The following ATG10 variants were observed in gnomAD, a reference collection of about 807,000 sequenced individuals.
ATG10 encodes ubiquitin-like-conjugating enzyme ATG10.
Under a neutral mutation model 32.1 loss-of-function variants are expected in ATG10, and 30 were observed. The ratio of observed to expected loss-of-function variants is 0.94; its 90% confidence interval spans 0.70 to 1.27. The LOEUF is 1.27. Among genes scored for constraint, ATG10 ranks in the 50% most tolerant of loss-of-function variants. The probability of loss-of-function intolerance (pLI) is 0.00; values close to 1 mark genes in which losing one functional copy is unlikely to be tolerated. For missense variants in ATG10, 233 were observed against 262.3 expected, an observed-to-expected ratio of 0.89 and a Z score of 0.77; for synonymous variants, 87 against 91.5, an observed-to-expected ratio of 0.95 and a Z score of 0.28.
intron 3 of ATG10, among the ~76,000 whole-genome samples, chr5:82,080,794 C>T (rs1279575767): frequency 2.2e-4 from 34 of 152,178 alleles, no homozygotes; most frequent in Non-Finnish European, 1.5e-5. Context: ...AGTCAGGTAG[C>T]ATGATGCCTT....
intron 5 of ATG10, among the ~76,000 whole-genome samples, chr5:82,236,913 T>C (rs1244627978): frequency 6.6e-6 from 1 of 152,154 alleles, no homozygotes; most frequent in East Asian, 1.9e-4. Flanking sequence ...TTTTTTTTCT[T>C]AACATTTTCT....
intron 6 of ATG10, 81 bp from the exon 7 acceptor site, chr5:82,253,233 G>T: frequency 1.1e-6 from 1 of 912,718 alleles, no homozygotes; most frequent in Non-Finnish European, 1.8e-6. Context: ...TGTTATTGTT[G>T]GTGACCAACT....
chr5:82,136,010 A>G (rs1212741905), intron 3 of ATG10, among the ~76,000 whole-genome samples: 1 of 151,672 alleles, frequency 6.6e-6, no homozygotes, highest in African/African-American at 2.4e-5. Flanking sequence ...GTTGGTTTAA[A>G]GTCTGTTTTA....
At chr5:82,044,662 T>C (rs1763184540) in intron 2 of ATG10, among the ~76,000 whole-genome samples, 1 of 152,210 alleles carries the variant, frequency 6.6e-6, no homozygotes, top group African/African-American at 2.4e-5. Context: ...GCGTTTAGAC[T>C]AGGTCTGATT....
chr5:82,218,696 A>G (rs1487705312), intron 5 of ATG10, among the ~76,000 whole-genome samples: 2 of 152,210 alleles, frequency 1.3e-5, no homozygotes, highest in African/African-American at 4.8e-5. Context: ...TGCTAACACC[A>G]AAATCGATAA....
At chr5:82,131,370 T>C (rs1471162968) in intron 3 of ATG10, among the ~76,000 whole-genome samples, 1 of 152,170 alleles carries the variant, frequency 6.6e-6, no homozygotes, top group East Asian at 1.9e-4. Flanking sequence ...AGTTTAAAGA[T>C]AGGGGTTCAT....
At chr5:82,244,719 G>T (rs1164995843) in intron 5 of ATG10, among the ~76,000 whole-genome samples, 1 of 152,164 alleles carries the variant, frequency 6.6e-6, no homozygotes, top group East Asian at 1.9e-4. Context: ...TTTATTACAT[G>T]TAAGAATGAA....
chr5:82,021,335 A>T (rs113460122), intron 2 of ATG10, among the ~76,000 whole-genome samples: 28 of 152,326 alleles, frequency 1.8e-4, no homozygotes, highest in African/African-American at 6.3e-4. Flanking sequence ...GTCATCCCTC[A>T]GTATCCCTGG....
chr5:82,057,249 A>T (rs1273068655), intron 2 of ATG10, among the ~76,000 whole-genome samples: 2 of 152,180 alleles, frequency 1.3e-5, no homozygotes, highest in African/African-American at 4.8e-5. Flanking sequence ...GTCTTAAAAA[A>T]TAGAGTTACT....
intron 2 of ATG10, among the ~76,000 whole-genome samples, chr5:82,053,992 G>A (rs1284748048): frequency 6.6e-6 from 1 of 152,162 alleles, no homozygotes; most frequent in African/African-American, 2.4e-5. Context: ...GATGAGCTAT[G>A]GTGTTCATGA....
At chr5:82,025,165 CT>C (rs1408726581) in intron 2 of ATG10, among the ~76,000 whole-genome samples, 5 of 152,114 alleles carry the variant, frequency 3.3e-5, no homozygotes, top group Non-Finnish European at 7.4e-5. Flanking sequence ...TGAGGCATGC[CT>C]TTTTGCTATG....
intron 3 of ATG10, among the ~76,000 whole-genome samples, chr5:82,127,516 A>C (rs1009503513): frequency 6.6e-6 from 1 of 152,056 alleles, no homozygotes; most frequent in Non-Finnish European, 1.5e-5. Flanking sequence ...GAACTAATTT[A>C]TTTGTGCCTT....
chr5:82,006,603 C>G (rs2149689039), intron 2 of ATG10, among the ~76,000 whole-genome samples: 1 of 152,016 alleles, frequency 6.6e-6, no homozygotes, highest in East Asian at 1.9e-4. Context: ...AGAAAAGACT[C>G]TAAAGCCATG....
chr5:82,165,804 G>C (rs1009141917), intron 4 of ATG10, among the ~76,000 whole-genome samples: 12 of 152,054 alleles, frequency 7.9e-5, no homozygotes, highest in Admixed American at 7.9e-4. Context: ...TGTTTATTCA[G>C]GGGGAGGAAA....
At chr5:81,993,369 T>TTTCTTTCTTTCTTTCTTTCCTTCTTTC (rs1554039351) in intron 2 of ATG10, among the ~76,000 whole-genome samples, 7 of 38,046 alleles carry the variant, frequency 1.8e-4, no homozygotes, top group African/African-American at 7.5e-4. Context: ...CCTTCTTTTC[T>TTTCTTTCTTTCTTTCTTTCCTTCTTTC]TTTCTTTTCT....
At chr5:82,162,274 A>T (rs1743384074) in intron 3 of ATG10, among the ~76,000 whole-genome samples, 1 of 152,180 alleles carries the variant, frequency 6.6e-6, no homozygotes, top group African/African-American at 2.4e-5. Flanking sequence ...ACCAATAAAC[A>T]TATTGGTAAA....
rs148135414 is a variant in ATG10 at position 82,107,888 on chromosome 5, T to C, written c.216+49286T>C. 4.6e-5 allele frequency among the ~76,000 whole-genome samples: 7 copies of C among 152,188 alleles called. No individual in the cohort carries two copies. The East Asian group carries it at 1.4e-3, about 29-fold the overall frequency. ...TATTATGGAGAAGGTGACATTTGAATTGGACTTTGAATAAGAGGTTTCCAA... is the reference window on the plus strand; with the variant it reads ...TATTATGGAGAAGGTGACATTTGAACTGGACTTTGAATAAGAGGTTTCCAA... On this transcript the variant is annotated intron_variant, in intron 3 of 7. Coordinates refer to ENST00000282185, the MANE Select transcript of ATG10 (RefSeq NM_031482.5).
intron 2 of ATG10, among the ~76,000 whole-genome samples, chr5:82,053,076 T>C (rs1763479303): frequency 6.6e-6 from 1 of 152,210 alleles, no homozygotes; most frequent in Non-Finnish European, 1.5e-5. Flanking sequence ...AGGGATCTTA[T>C]GCTAATTTTA....
chr5:82,142,155 A>T (rs1189083212), intron 3 of ATG10, among the ~76,000 whole-genome samples: 2 of 152,200 alleles, frequency 1.3e-5, no homozygotes, highest in South Asian at 2.1e-4. Flanking sequence ...TTGAGCATCT[A>T]TATGCCAGGT....
Sources: gnomAD v4.1 joint callset for allele counts (sites outside exome capture counted in the v4.1 genomes callset) on GRCh38, gnomAD v4.1.1 for gene constraint, MANE v1.5 for transcripts, NCBI Gene and HGNC (gene_info 2026-07-23, HGNC 2026-07-21) for gene names.